Variants in DAB1 observed in about 807,000 individuals in gnomAD.
The protein encoded by DAB1 is DAB adaptor protein 1.
DAB1 carries 15 observed loss-of-function variants against 64.6 expected under a neutral mutation model. The observed-to-expected ratio is 0.23, with a 90% confidence interval of 0.16 to 0.36. The LOEUF is 0.36. Ranked by LOEUF, DAB1 falls within the 10% of genes least tolerant of loss-of-function variation. The probability of loss-of-function intolerance (pLI) is 1.00; values close to 1 mark genes in which losing one functional copy is unlikely to be tolerated. For missense variants in DAB1, 596 were observed against 706.7 expected, an observed-to-expected ratio of 0.84 and a Z score of 1.78; for synonymous variants, 235 against 251.9, an observed-to-expected ratio of 0.93 and a Z score of 0.64.
intron 8 of DAB1, among the ~76,000 whole-genome samples, chr1:57,067,505 T>C (rs1651032901): frequency 6.6e-6 from 1 of 152,148 alleles, no homozygotes; most frequent in Non-Finnish European, 1.5e-5. Flanking sequence ...AGAGATAAGA[T>C]ATTGCACTTA....
chr1:58,392,921 A>G (rs974553662), intron 3 of DAB1, among the ~76,000 whole-genome samples: 1 of 151,932 alleles, frequency 6.6e-6, no homozygotes, highest in African/African-American at 2.4e-5. Context: ...TCCTCCTCTC[A>G]GGCTACACAA....
chr1:57,939,401 T>C (rs2102049134), intron 5 of DAB1, among the ~76,000 whole-genome samples: 1 of 152,340 alleles, frequency 6.6e-6, no homozygotes, highest in South Asian at 2.1e-4. Flanking sequence ...ATAAGAACTA[T>C]CTGAGATGAG....
intron 7 of DAB1, among the ~76,000 whole-genome samples, chr1:57,447,492 T>G (rs1686185819): frequency 6.6e-6 from 1 of 152,214 alleles, no homozygotes; most frequent in African/African-American, 2.4e-5. Context: ...ACATTTGCAC[T>G]CTCTTACTCC....
intron 7 of DAB1, among the ~76,000 whole-genome samples, chr1:57,556,071 A>T (rs114799894): frequency 0.012 from 1,835 of 152,282 alleles, 13 homozygotes; most frequent in Non-Finnish European, 0.019. Context: ...ATTATATATA[A>T]TAAGATATGC....
chr1:58,434,723 C>A (rs1644922969), intron 3 of DAB1, among the ~76,000 whole-genome samples: 1 of 152,230 alleles, frequency 6.6e-6, no homozygotes, highest in African/African-American at 2.4e-5. Flanking sequence ...GCCTGGTACA[C>A]TGCAACATTA....
chr1:58,079,009 C>T (rs139526110), intron 5 of DAB1, among the ~76,000 whole-genome samples: 3 of 152,264 alleles, frequency 2.0e-5, no homozygotes, highest in South Asian at 2.1e-4. Flanking sequence ...AGGATCAAGA[C>T]GGAAGAGCAG....
At position 57,805,953 on chromosome 1, in the gene DAB1, C is replaced by T. The variant is rs557750450; in HGVS notation, n.551+78046G>A. ...CCTTCTCACTATGTTCCTCCATTTT[C>T]CCTTAACCTCTTTCAGTCTACTCTT... On this transcript the variant is annotated intron_variant and non_coding_transcript_variant, in intron 6 of 20. Transcript: ENST00000485760. Among the ~76,000 whole-genome samples the T allele has an allele frequency of 4.6e-5, 7 of 152,308 alleles. No individual in the cohort carries two copies. The East Asian group carries it at 1.4e-3, about 29-fold the overall frequency.
At chr1:57,042,155 T>A (rs1014677051) in intron 9 of DAB1, among the ~76,000 whole-genome samples, 3 of 152,164 alleles carry the variant, frequency 2.0e-5, no homozygotes, top group Non-Finnish European at 4.4e-5. Context: ...CCTAGAGCTC[T>A]GAGGATCGAA....
chr1:57,688,010 A>T (rs1169986325), intron 6 of DAB1, among the ~76,000 whole-genome samples: 1 of 152,150 alleles, frequency 6.6e-6, no homozygotes, highest in African/African-American at 2.4e-5. Flanking sequence ...TTGACAAATA[A>T]TTTTTGGCTA....
intron 5 of DAB1, among the ~76,000 whole-genome samples, chr1:58,105,975 TA>T (rs745621839): frequency 1.3e-5 from 2 of 152,204 alleles, no homozygotes; most frequent in Non-Finnish European, 2.9e-5. Flanking sequence ...TGGCTCACGT[TA>T]AATCCCTCAA....
chr1:58,342,183 A>T (rs1418820365), intron 4 of DAB1, among the ~76,000 whole-genome samples: 1 of 152,212 alleles, frequency 6.6e-6, no homozygotes, highest in East Asian at 1.9e-4. Context: ...GTCTAGATAC[A>T]TGAAACTACT....
At position 57,371,759 on chromosome 1, in the gene DAB1, CTTTG is replaced by C. The variant is rs549944246; in HGVS notation, c.-137+52167_-137+52170del. ...ATTTTGTATGTAGAACATTGAAGAT[CTTTG>C]TTTGGCCACCACTTTAAGGCAGTGA... On this transcript the variant is annotated intron_variant, in intron 1 of 14. Coordinates refer to ENST00000371236, the MANE Select transcript of DAB1 (RefSeq NM_001365792.1). Among the ~76,000 whole-genome samples the C allele has an allele frequency of 4.6e-5, 7 of 152,166 alleles. No homozygotes were observed. The South Asian group carries it at 1.0e-3, about 23-fold the overall frequency.
intron 3 of DAB1, among the ~76,000 whole-genome samples, chr1:58,497,491 T>A (rs372939497): frequency 4.9e-4 from 74 of 152,268 alleles, no homozygotes; most frequent in African/African-American, 1.8e-3. Context: ...TCAGGACATA[T>A]CATTCCAAAA....
At chr1:57,145,113 A>G (rs1658985498) in intron 3 of DAB1, among the ~76,000 whole-genome samples, 177 bp downstream of exon 3, 1 of 152,242 alleles carries the variant, frequency 6.6e-6, no homozygotes, top group Admixed American at 6.5e-5. Context: ...TAGGTGCTCA[A>G]CAAACATTTG....
chr1:57,215,036 G>A (rs147458652), intron 2 of DAB1, among the ~76,000 whole-genome samples: 127 of 152,086 alleles, frequency 8.4e-4, no homozygotes, highest in African/African-American at 2.9e-3. Flanking sequence ...TTCCAGACTG[G>A]GAGACAATGA....
intron 4 of DAB1, 148 bp downstream of exon 4, chr1:57,136,395 T>G (rs548909687): frequency 9.3e-5 from 39 of 419,752 alleles, no homozygotes; most frequent in Non-Finnish European, 1.6e-4. Context: ...GAGACCTGCT[T>G]TGATGGATGA....
chr1:57,729,719 C>T (rs1056320221), intron 6 of DAB1, among the ~76,000 whole-genome samples: 8 of 152,146 alleles, frequency 5.3e-5, no homozygotes, highest in Non-Finnish European at 7.3e-5. Context: ...ATTATAATTT[C>T]GTCAGCAACA....
chr1:57,769,834 C>T (rs1649479967), intron 6 of DAB1, among the ~76,000 whole-genome samples: 1 of 152,142 alleles, frequency 6.6e-6, no homozygotes, highest in African/African-American at 2.4e-5. Context: ...TATCATCATC[C>T]TCAGTGCTCT....
At chr1:57,356,648 T>C (rs879850731) in intron 1 of DAB1, among the ~76,000 whole-genome samples, 16 of 152,018 alleles carry the variant, frequency 1.1e-4, no homozygotes, top group African/African-American at 2.9e-4. Flanking sequence ...ACAAACTCCA[T>C]TCAGACAGAA....
Sources: allele counts gnomAD v4.1 joint callset (sites outside exome capture counted in the v4.1 genomes callset), GRCh38; gene constraint gnomAD v4.1.1; transcripts MANE v1.5; gene names NCBI Gene and HGNC (gene_info 2026-07-23, HGNC 2026-07-21).